RYR3: variants seen among roughly 807,000 people sequenced by gnomAD.
RYR3 encodes the protein brain ryanodine receptor-calcium release channel.
RYR3 carries 207 observed loss-of-function variants against 584.3 expected under a neutral mutation model. That is an observed-to-expected ratio of 0.35 (90% CI 0.32 to 0.40). The LOEUF (loss-of-function observed/expected upper bound fraction) is 0.40. Among genes scored for constraint, RYR3 ranks in the 10% least tolerant of loss-of-function variants. The probability of loss-of-function intolerance (pLI) is 1.00; values close to 1 mark genes in which losing one functional copy is unlikely to be tolerated. For missense variants in RYR3, 5,616 were observed against 6,089.2 expected (o/e 0.92, Z 2.59); for synonymous variants, 2,416 against 2,248.5 (o/e 1.07, Z -2.11).
At chr15:33,350,839 C>G (rs1973146467) in intron 1 of RYR3, among the ~76,000 whole-genome samples, 1 of 151,694 alleles carries the variant, frequency 6.6e-6, no homozygotes, top group Non-Finnish European at 1.5e-5. Context: ...CCTAACATCA[C>G]AATTAAAAGA....
At chr15:33,773,713 C>A in intron 64 of RYR3, 98 bp downstream of exon 64, 2 of 803,408 alleles carry the variant, frequency 2.5e-6, no homozygotes, top group Non-Finnish European at 4.2e-6. Context: ...CCAGCAAGAC[C>A]AAAATGCTCA....
intron 12 of RYR3, 148 bp from the exon 13 acceptor site, chr15:33,579,828 T>C (rs1317062632): frequency 2.1e-6 from 1 of 473,686 alleles, no homozygotes; most frequent in East Asian, 3.4e-5. Flanking sequence ...TCTGGGAAAC[T>C]TCATTTTGTA....
intron 65 of RYR3, among the ~76,000 whole-genome samples, 181 bp downstream of exon 65, chr15:33,780,522 G>T (rs143974462): frequency 0.015 from 2,268 of 152,298 alleles, 55 homozygotes; most frequent in Admixed American, 0.057. Flanking sequence ...CATGGGCAAG[G>T]CTTTGTTATA....
In RYR3 at chr15:33,539,478, T is replaced by G; in HGVS notation, c.546+16T>G. On this transcript the variant is annotated intron_variant, in intron 6 of 103. Coordinates refer to ENST00000634891, the MANE Select transcript of RYR3 (RefSeq NM_001036.6). ...AAGATACCTTGTAAGTACCTCATAA[T>G]ATAAGAGTCTTCTGTTTTCAGAAAT... The G allele has an allele frequency of 6.8e-7, 1 of 1,476,606 alleles. No individual in the cohort carries two copies. Among genetic ancestry groups the G allele is most frequent in the Non-Finnish European group, 9.3e-7 (1 of 1,071,634 alleles). 91.5% of individuals were successfully genotyped at this position (1,476,606 alleles called of 1,614,324 possible). A position where few individuals can be genotyped will look rare whatever the true frequency, so the allele number is the denominator to read the frequency against.
chr15:33,349,651 C>T (rs1404060845), intron 1 of RYR3, among the ~76,000 whole-genome samples: 2 of 147,024 alleles, frequency 1.4e-5, no homozygotes, highest in Admixed American at 6.9e-5. Context: ...TGTGCAGGTT[C>T]GTTACATATG....
At chr15:33,578,046 A>C (rs769816063) in intron 12 of RYR3, among the ~76,000 whole-genome samples, 7 of 152,264 alleles carry the variant, frequency 4.6e-5, no homozygotes, top group Admixed American at 1.3e-4. Context: ...AATGCAAGTC[A>C]AAACCACAAT....
At chr15:33,420,267 T>C (rs1466436823) in intron 1 of RYR3, among the ~76,000 whole-genome samples, 1 of 152,112 alleles carries the variant, frequency 6.6e-6, no homozygotes, top group Non-Finnish European at 1.5e-5. Context: ...TATAATTGGG[T>C]TCCTCCTTAT....
chr15:33,641,582 G>A (rs901453390), intron 27 of RYR3, among the ~76,000 whole-genome samples: 3 of 152,146 alleles, frequency 2.0e-5, no homozygotes, highest in East Asian at 1.9e-4. Flanking sequence ...TTATCGAATC[G>A]TTTTCTCCAA....
chr15:33,424,851 G>A lies in RYR3; in HGVS notation c.52-48568G>A, dbSNP rs58063277. Among the ~76,000 whole-genome samples, 932 of 152,266 alleles carry A rather than the reference G, an allele frequency of 6.1e-3. 10 individuals are homozygous for A. The highest frequency in any genetic ancestry group is 0.021 in the African/African-American group (872 of 41,546). On this transcript the variant is annotated intron_variant, in intron 1 of 103. Coordinates refer to ENST00000634891, the MANE Select transcript of RYR3 (RefSeq NM_001036.6). ...TGAGAAGCCGGGCATGGTGGTGTGT[G>A]CGTGTAGCCCCAGCTACTTGGAAGG...
chr15:33,658,228 G>C (rs975073215), intron 32 of RYR3, among the ~76,000 whole-genome samples: 1 of 152,168 alleles, frequency 6.6e-6, no homozygotes, highest in Non-Finnish European at 1.5e-5. Flanking sequence ...CCATGCTTAC[G>C]TGCTTGTTGG....
At chr15:33,500,357 A>G (rs1383773537) in intron 2 of RYR3, among the ~76,000 whole-genome samples, 1 of 152,192 alleles carries the variant, frequency 6.6e-6, no homozygotes, top group Non-Finnish European at 1.5e-5. Context: ...CTAAATGACT[A>G]CAAAACAGGG....
chr15:33,355,040 C>T (rs1445443875), intron 1 of RYR3, among the ~76,000 whole-genome samples: 7 of 151,934 alleles, frequency 4.6e-5, no homozygotes, highest in Non-Finnish European at 7.4e-5. Flanking sequence ...AAAAATTAGC[C>T]GGGCGTGGTG....
intron 2 of RYR3, among the ~76,000 whole-genome samples, chr15:33,478,970 G>C (rs2572183): frequency 0.6 from 90,616 of 152,056 alleles, 27,725 homozygotes; most frequent in African/African-American, 0.75. Context: ...CTGTAGGTAT[G>C]TAACAGTGAA....
In RYR3 at chr15:33,700,381, C is replaced by T. The variant is rs546711973; in HGVS notation, c.6379+548C>T. ...AGCAAGTCACTGCATATGCCTTACT[C>T]ACTGTTCTGGGTATAAACGAAATGA... On this transcript the variant is annotated intron_variant, in intron 41 of 103. Coordinates refer to ENST00000634891, the MANE Select transcript of RYR3 (RefSeq NM_001036.6). Among the ~76,000 whole-genome samples, 141 of 152,354 alleles carry T rather than the reference C, an allele frequency of 9.3e-4. 1 individual carries two copies. The highest frequency in any genetic ancestry group is 3.2e-3 in the African/African-American group (134 of 41,578).
intron 1 of RYR3, among the ~76,000 whole-genome samples, chr15:33,439,699 C>T (rs1179059741): frequency 6.6e-6 from 1 of 152,066 alleles, no homozygotes; most frequent in Non-Finnish European, 1.5e-5. Context: ...TCTTCACTTT[C>T]CTTATGAATA....
intron 101 of RYR3, 33 bp from the exon 102 acceptor site, chr15:33,861,045 A>G (rs758846062): frequency 6.8e-7 from 1 of 1,480,670 alleles, no homozygotes; most frequent in South Asian, 1.2e-5. Context: ...TATTATGCCA[A>G]CAAATGCCTT....
chr15:33,327,348 G>A (rs918800470), intron 1 of RYR3, among the ~76,000 whole-genome samples: 5 of 152,162 alleles, frequency 3.3e-5, no homozygotes, highest in African/African-American at 9.7e-5. Context: ...AGAAAGCCAC[G>A]AATCCATGGG....
chr15:33,636,573 A>T (rs765034263), intron 27 of RYR3, 23 bp downstream of exon 27: 2 of 1,546,072 alleles, frequency 1.3e-6, no homozygotes, highest in Non-Finnish European at 1.7e-6. Context: ...CCCTCTGCCA[A>T]CCCCAGCTCC....
intron 1 of RYR3, among the ~76,000 whole-genome samples, chr15:33,420,360 G>T (rs563273875): frequency 6.6e-6 from 1 of 152,162 alleles, no homozygotes; most frequent in Non-Finnish European, 1.5e-5. Context: ...CAAGCCCAGG[G>T]CCTGTTTATA....
Sources: allele counts gnomAD v4.1 joint callset (sites outside exome capture counted in the v4.1 genomes callset), GRCh38; gene constraint gnomAD v4.1.1; transcripts MANE v1.5; gene names NCBI Gene and HGNC (gene_info 2026-07-23, HGNC 2026-07-21).